Variants in SMYD3 observed in about 807,000 individuals in gnomAD.
The protein encoded by SMYD3 is SET and MYND domain containing 3, also known as histone-lysine N-methyltransferase SMYD3.
A neutral mutation model predicts 57.7 loss-of-function variants in SMYD3; 36 were observed. The observed-to-expected ratio is 0.62, with a 90% CI of 0.48 to 0.82. The LOEUF is 0.82. SMYD3 is among the 40% of genes least tolerant of loss of function. SMYD3 has a pLI of 0.00. For synonymous variants in SMYD3, 211 were observed against 195.0 expected (o/e 1.08, Z -0.68); for missense variants, 515 against 538.8 (o/e 0.96, Z 0.44).
intron 1 of SMYD3, among the ~76,000 whole-genome samples, chr1:246,495,082 G>C (rs2068335924): frequency 6.6e-6 from 1 of 152,284 alleles, no homozygotes; most frequent in East Asian, 1.9e-4. Flanking sequence ...GGGCGCGGTG[G>C]CTCACGCCTG....
intron 5 of SMYD3, among the ~76,000 whole-genome samples, chr1:246,194,973 G>A (rs530462280): frequency 6.6e-6 from 1 of 152,292 alleles, no homozygotes; most frequent in Non-Finnish European, 1.5e-5. Context: ...CCTGCAGCCA[G>A]GTTTTCACCA....
intron 1 of SMYD3, among the ~76,000 whole-genome samples, chr1:246,478,947 A>G (rs113886916): frequency 7.0e-4 from 89 of 126,768 alleles, no homozygotes; most frequent in Middle Eastern, 8.8e-3. Flanking sequence ...GAGCTGGTAC[A>G]TAAGTGCTCA....
chr1:246,208,331 A>T (rs962622054), intron 5 of SMYD3, among the ~76,000 whole-genome samples: 1 of 152,208 alleles, frequency 6.6e-6, no homozygotes, highest in Non-Finnish European at 1.5e-5. Context: ...AGCTGATATG[A>T]CTGTAAAATG....
At chr1:246,287,037 A>G (rs2064583082) in intron 5 of SMYD3, among the ~76,000 whole-genome samples, 1 of 151,876 alleles carries the variant, frequency 6.6e-6, no homozygotes, top group Admixed American at 6.6e-5. Flanking sequence ...GGACCGGCTA[A>G]TTTTTTGTAT....
intron 1 of SMYD3, among the ~76,000 whole-genome samples, chr1:246,481,597 T>TAC (rs2068102053): frequency 1.3e-5 from 1 of 75,464 alleles, no homozygotes; most frequent in Non-Finnish European, 2.5e-5. Context: ...AGGCTCCATA[T>TAC]ATATATATAT....
At chr1:246,167,512 CTTTT>C (rs199801290) in intron 5 of SMYD3, among the ~76,000 whole-genome samples, 1 of 137,822 alleles carries the variant, frequency 7.3e-6, no homozygotes, top group African/African-American at 2.7e-5. Context: ...GTTTTTTTTT[CTTTT>C]TTTTTTTTTT....
intron 1 of SMYD3, among the ~76,000 whole-genome samples, chr1:246,385,274 C>T (rs189730970): frequency 1.0e-3 from 152 of 146,852 alleles, no homozygotes; most frequent in African/African-American, 3.4e-3. Flanking sequence ...GAACTACATG[C>T]GAATTTTAAG....
At chr1:246,467,526 A>T (rs2067898613) in intron 1 of SMYD3, among the ~76,000 whole-genome samples, 1 of 152,180 alleles carries the variant, frequency 6.6e-6, no homozygotes, top group Non-Finnish European at 1.5e-5. Flanking sequence ...ATTACAATGG[A>T]AATACTAAGG....
chr1:246,001,286 T>C (rs768119794), intron 5 of SMYD3, among the ~76,000 whole-genome samples: 1 of 152,202 alleles, frequency 6.6e-6, no homozygotes, highest in Non-Finnish European at 1.5e-5. Flanking sequence ...CAAGAGAAGA[T>C]GAATTGCTCC....
At chr1:246,046,542 T>C (rs1346956881) in intron 5 of SMYD3, among the ~76,000 whole-genome samples, 1 of 151,680 alleles carries the variant, frequency 6.6e-6, no homozygotes, top group Non-Finnish European at 1.5e-5. Context: ...AGTTAATGGG[T>C]GCAGCACACC....
At chr1:246,201,675 A>T (rs1407191703) in intron 5 of SMYD3, among the ~76,000 whole-genome samples, 2 of 152,200 alleles carry the variant, frequency 1.3e-5, no homozygotes, top group South Asian at 4.1e-4. Context: ...AAGCATAATG[A>T]TCCGGTTCAC....
At chr1:246,275,016 T>C (rs991870475) in intron 5 of SMYD3, among the ~76,000 whole-genome samples, 1 of 152,148 alleles carries the variant, frequency 6.6e-6, no homozygotes, top group Non-Finnish European at 1.5e-5. Flanking sequence ...TTGACTTTTA[T>C]AGGCAGATTT....
intron 5 of SMYD3, among the ~76,000 whole-genome samples, chr1:245,981,973 C>T (rs980267317): frequency 1.3e-4 from 20 of 152,192 alleles, no homozygotes; most frequent in Admixed American, 1.0e-3. Context: ...GGTGCAGACC[C>T]ACGGTCATGG....
At chr1:246,434,685 T>A (rs1315248785) in intron 1 of SMYD3, among the ~76,000 whole-genome samples, 1 of 152,210 alleles carries the variant, frequency 6.6e-6, no homozygotes, top group Non-Finnish European at 1.5e-5. Context: ...GGAACGTTTA[T>A]CCACTGTTAG....
At chr1:245,885,040 G>C (rs756026933) in intron 8 of SMYD3, among the ~76,000 whole-genome samples, 1 of 151,892 alleles carries the variant, frequency 6.6e-6, no homozygotes, top group Non-Finnish European at 1.5e-5. Flanking sequence ...GAAGGTCTGC[G>C]GCTTCACTCC....
At chr1:246,012,941 C>T (rs1032084965) in intron 5 of SMYD3, among the ~76,000 whole-genome samples, 4 of 152,246 alleles carry the variant, frequency 2.6e-5, no homozygotes, top group South Asian at 4.2e-4. Context: ...TTCTGGTAGG[C>T]GCTGTTTTCA....
chr1:246,100,588 T>A (rs1434018594), intron 5 of SMYD3, among the ~76,000 whole-genome samples: 1 of 152,020 alleles, frequency 6.6e-6, no homozygotes, highest in Non-Finnish European at 1.5e-5. Context: ...AGGGTTCTGG[T>A]TCCAAGTCCA....
Position 246,319,022 on chromosome 1 carries a change from T to C in SMYD3, c.531+8179A>G, listed in dbSNP as rs189574151. Among the ~76,000 whole-genome samples, 303 of 152,378 alleles carry C rather than the reference T, an allele frequency of 2.0e-3. 2 individuals are homozygous for C. The highest frequency in any genetic ancestry group is 6.9e-3 in the African/African-American group (289 of 41,596). On this transcript the variant is annotated intron_variant, in intron 5 of 11. Coordinates refer to ENST00000490107, the MANE Select transcript of SMYD3 (RefSeq NM_001167740.2). ...TAAAAATCCAAACAATGAGTTGTTT[T>C]CTTTGAAAGCCCAAGTGTCCTACAA... is the stretch of plus-strand genomic sequence containing the variant.
chr1:245,858,326 G>A (rs1310466198), intron 10 of SMYD3, among the ~76,000 whole-genome samples, 170 bp downstream of exon 10: 1 of 152,258 alleles, frequency 6.6e-6, no homozygotes, highest in South Asian at 2.1e-4. Context: ...GAATGCATAA[G>A]TGAATGAACA....
Sources: allele counts gnomAD v4.1 joint callset (sites outside exome capture counted in the v4.1 genomes callset), GRCh38; gene constraint gnomAD v4.1.1; transcripts MANE v1.5; gene names NCBI Gene and HGNC (gene_info 2026-07-23, HGNC 2026-07-21).